PPP3R1: variants seen among roughly 807,000 people sequenced by gnomAD.
PPP3R1 encodes the protein calcineurin subunit B type 1.
In PPP3R1, 5 loss-of-function variants were observed where a neutral mutation model predicts 22.6. The ratio of observed to expected loss-of-function variants is 0.22; its 90% CI spans 0.12 to 0.46. The LOEUF (loss-of-function observed/expected upper bound fraction) is 0.46. Ranked by LOEUF, PPP3R1 falls within the 20% of genes least tolerant of loss-of-function variation. The pLI is 0.99. For missense variants in PPP3R1, 61 were observed against 203.2 expected (o/e 0.30, Z 4.25); for synonymous variants, 56 against 65.2 (o/e 0.86, Z 0.68).
chr2:68,189,907 T>G (rs896479657), intron 2 of PPP3R1, among the ~76,000 whole-genome samples: 4 of 151,674 alleles, frequency 2.6e-5, no homozygotes, highest in African/African-American at 9.7e-5. Context: ...TACAACAACT[T>G]TTAAAAAGAA....
intron 1 of PPP3R1, among the ~76,000 whole-genome samples, chr2:68,233,776 A>G (rs114034019): frequency 0.012 from 1,806 of 152,260 alleles, 29 homozygotes; most frequent in African/African-American, 0.041. Context: ...TTACATTTCA[A>G]TGACTTTTTT....
chr2:68,212,120 G>T (rs550589195), intron 2 of PPP3R1, among the ~76,000 whole-genome samples: 2 of 152,078 alleles, frequency 1.3e-5, no homozygotes, highest in East Asian at 3.9e-4. Context: ...TCGCTCTGTC[G>T]CCCAGGCTGG....
intron 2 of PPP3R1, among the ~76,000 whole-genome samples, chr2:68,194,824 T>G (rs553925061): frequency 6.6e-6 from 1 of 152,132 alleles, no homozygotes; most frequent in South Asian, 2.1e-4. Flanking sequence ...AATTGTATAG[T>G]AGAAAAAAGC....
At chr2:68,248,126 G>A (rs1390631039) in intron 1 of PPP3R1, among the ~76,000 whole-genome samples, 1 of 152,160 alleles carries the variant, frequency 6.6e-6, no homozygotes, top group African/African-American at 2.4e-5. Flanking sequence ...TAACACTGTA[G>A]TTCTCTGGAT....
intron 1 of PPP3R1, among the ~76,000 whole-genome samples, chr2:68,242,704 A>C (rs1670158671): frequency 6.6e-6 from 1 of 152,218 alleles, no homozygotes; most frequent in South Asian, 2.1e-4. Context: ...ATTTTTATTA[A>C]AGATTGCCTT....
At chr2:68,218,491 T>C (rs1240366614) in intron 1 of PPP3R1, among the ~76,000 whole-genome samples, 1 of 152,138 alleles carries the variant, frequency 6.6e-6, no homozygotes, top group African/African-American at 2.4e-5. Context: ...CAAACATTAA[T>C]AAAGCTTGAT....
chr2:68,249,689 T>G (rs1381500604), intron 1 of PPP3R1, among the ~76,000 whole-genome samples: 3 of 148,110 alleles, frequency 2.0e-5, no homozygotes, highest in African/African-American at 7.5e-5. Flanking sequence ...AATTTAAAAC[T>G]CAAATAAGGG....
At chr2:68,241,673 G>A (rs567182609) in intron 1 of PPP3R1, among the ~76,000 whole-genome samples, 26 of 152,030 alleles carry the variant, frequency 1.7e-4, no homozygotes, top group Middle Eastern at 3.4e-3. Flanking sequence ...GTGAAATACC[G>A]TCTCTACTAA....
chr2:68,206,770 G>C (rs957657348), intron 2 of PPP3R1, among the ~76,000 whole-genome samples: 1 of 152,046 alleles, frequency 6.6e-6, no homozygotes, highest in African/African-American at 2.4e-5. Context: ...TAAGTACTTG[G>C]TAGGTGCTTA....
chr2:68,196,565 T>A (rs1674778311), intron 2 of PPP3R1, among the ~76,000 whole-genome samples: 1 of 152,130 alleles, frequency 6.6e-6, no homozygotes, highest in African/African-American at 2.4e-5. Context: ...CTCATCCACT[T>A]AAAAGGTCTA....
chr2:68,242,478 T>A (rs959934624), intron 1 of PPP3R1, among the ~76,000 whole-genome samples: 1 of 151,496 alleles, frequency 6.6e-6, no homozygotes, highest in Non-Finnish European at 1.5e-5. Flanking sequence ...ACGTTAACAG[T>A]CCAGAAGCAA....
intron 3 of PPP3R1, 59 bp from the exon 4 acceptor site, chr2:68,187,373 A>C: frequency 7.3e-7 from 1 of 1,375,610 alleles, no homozygotes; most frequent in South Asian, 1.2e-5. Flanking sequence ...CACAAAAAAC[A>C]TATTTACCTT....
At chr2:68,234,974 A>G (rs778057082) in intron 1 of PPP3R1, among the ~76,000 whole-genome samples, 38 of 152,240 alleles carry the variant, frequency 2.5e-4, no homozygotes, top group Middle Eastern at 3.2e-3. Flanking sequence ...GGTGGTCAAC[A>G]AACACTAAGG....
At chr2:68,215,385 T>TCA (rs1361841620) in intron 2 of PPP3R1, among the ~76,000 whole-genome samples, 1 of 152,130 alleles carries the variant, frequency 6.6e-6, no homozygotes, top group Non-Finnish European at 1.5e-5. Context: ...TAAGGGATAC[T>TCA]CAACCTGTAT....
intron 1 of PPP3R1, among the ~76,000 whole-genome samples, chr2:68,246,899 T>C (rs529281856): frequency 1.3e-5 from 2 of 152,300 alleles, no homozygotes; most frequent in South Asian, 4.1e-4. Context: ...GCTCCAGATA[T>C]AGGTAGCCAA....
At chr2:68,200,036 C>T (rs896053450) in intron 2 of PPP3R1, among the ~76,000 whole-genome samples, 3 of 152,104 alleles carry the variant, frequency 2.0e-5, no homozygotes, top group Non-Finnish European at 2.9e-5. Context: ...TTTGACCTTA[C>T]TATTTTCTTT....
At chr2:68,202,107 ACT>A (rs1648320131) in intron 2 of PPP3R1, among the ~76,000 whole-genome samples, 3 of 152,150 alleles carry the variant, frequency 2.0e-5, no homozygotes, top group Admixed American at 6.5e-5. Flanking sequence ...AGACGCTATC[ACT>A]CTGTGTTCTC....
chr2:68,195,612 C>T (rs530135466), intron 2 of PPP3R1, among the ~76,000 whole-genome samples: 4 of 152,282 alleles, frequency 2.6e-5, no homozygotes, highest in South Asian at 2.1e-4. Context: ...CTGTCTGCCA[C>T]ATTTATTACC....
chr2:68,232,145 ATG>A (rs1669921041), intron 1 of PPP3R1, among the ~76,000 whole-genome samples: 10 of 105,186 alleles, frequency 9.5e-5, no homozygotes, highest in Non-Finnish European at 1.2e-4. Flanking sequence ...ACACATATAT[ATG>A]TATATATATA....
Sources: allele counts gnomAD v4.1 joint callset (sites outside exome capture counted in the v4.1 genomes callset), GRCh38; gene constraint gnomAD v4.1.1; transcripts MANE v1.5; gene names NCBI Gene and HGNC (gene_info 2026-07-23, HGNC 2026-07-21).